Variants in RPAIN observed in about 807,000 individuals in gnomAD.
The protein encoded by RPAIN is RPA-interacting protein.
A neutral mutation model predicts 30.5 loss-of-function variants in RPAIN; 29 were observed. The ratio of observed to expected loss-of-function variants is 0.95; its 90% CI spans 0.71 to 1.30. The LOEUF (loss-of-function observed/expected upper bound fraction) is 1.30, where lower values mean the gene tolerates loss of function less well. Ranked by LOEUF, RPAIN falls within the 50% of genes most tolerant of loss-of-function variation. RPAIN has a pLI of 0.00. For synonymous variants in RPAIN, 101 were observed against 93.5 expected (o/e 1.08, Z -0.46); for missense variants, 247 against 264.7 (o/e 0.93, Z 0.46).
At position 5,426,486 on chromosome 17, in the gene RPAIN, G is replaced by GTA. The variant is rs1195867114; in HGVS notation, c.489+188_489+189dup. The GTA allele has an allele frequency of 5.0e-5, 31 of 624,326 alleles. No individual in the cohort carries two copies. In the African/African-American group the frequency reaches 5.5e-4, roughly 11 times the overall value. The allele number at this position is 624,326 out of a possible 1,614,324, so 38.7% of individuals were successfully genotyped here. A position where few individuals can be genotyped will look rare whatever the true frequency, so the allele number is the denominator to read the frequency against. ...TCTATGGCATGAAAATTGGCAAACAGTACACATCAGAGCCTTTAGGGCCCT... is the reference window on the plus strand; with the variant it reads ...TCTATGGCATGAAAATTGGCAAACAGTATACACATCAGAGCCTTTAGGGCCCT... On this transcript the variant is annotated intron_variant, in intron 5 of 6. Transcript: ENST00000381209.
At chr17:5,430,864 C>CGTAG (rs1362303672) in intron 6 of RPAIN, 5 of 155,506 alleles carry the variant, frequency 3.2e-5, no homozygotes, top group Non-Finnish European at 1.4e-5. Flanking sequence ...CTGGAGTCTA[C>CGTAG]AGCTCCTTGA....
At chr17:5,420,326 A>G (rs1205403766) in intron 1 of RPAIN, 35 bp downstream of exon 1, 6 of 1,578,592 alleles carry the variant, frequency 3.8e-6, no homozygotes, top group Non-Finnish European at 5.2e-6. Flanking sequence ...TCTACCCTAG[A>G]TCGTCCCGGT....
intron 1 of RPAIN, 120 bp from the exon 2 acceptor site, chr17:5,421,176 A>G: frequency 1.1e-6 from 1 of 906,562 alleles, no homozygotes. Flanking sequence ...ACTAGTTAGT[A>G]TTATCATTGA....
Position 5,432,541 on chromosome 17 carries a change from G to T in RPAIN, c.631-1G>T. 1 of 1,613,614 alleles carries T rather than the reference G, an allele frequency of 6.2e-7. No homozygotes were observed. The highest frequency in any genetic ancestry group is 8.5e-7 in the Non-Finnish European group (1 of 1,179,528). Reference sequence around the variant, plus strand: ...CTAATTATTTTCCTGTTTAAACCTAGGCCTGTGATACTTGGGCTGTGATCC... The same window carrying T: ...CTAATTATTTTCCTGTTTAAACCTATGCCTGTGATACTTGGGCTGTGATCC... On this transcript the variant is annotated splice_acceptor_variant, in intron 6 of 6. Coordinates refer to ENST00000381209, the MANE Select transcript of RPAIN (RefSeq NM_001033002.4). LOFTEE classifies it high-confidence loss of function.
At chr17:5,428,238 T>A in intron 6 of RPAIN, 27 bp downstream of exon 6, 1 of 1,614,090 alleles carries the variant, frequency 6.2e-7, no homozygotes, top group South Asian at 1.1e-5. Flanking sequence ...ACCCACTCTG[T>A]GGTAAGAGGG....
intron 6 of RPAIN, chr17:5,430,467 C>CA (rs1446734170): frequency 1.3e-5 from 2 of 153,130 alleles, no homozygotes; most frequent in Non-Finnish European, 2.9e-5. Flanking sequence ...AACTCCATCT[C>CA]AAAAAAAGCA....
At chr17:5,427,838 C>T (rs1915546479) in intron 5 of RPAIN, 4 of 541,370 alleles carry the variant, frequency 7.4e-6, no homozygotes, top group Non-Finnish European at 1.3e-5. Flanking sequence ...CCATGAGTGG[C>T]CATCAGTGTG....
chr17:5,426,604 G>T, intron 5 of RPAIN: 1 of 281,498 alleles, frequency 3.6e-6, no homozygotes, highest in Non-Finnish European at 6.8e-6. Context: ...TTCTATATAT[G>T]AAGACATACC....
chr17:5,421,571 TA>T (rs1914842502), intron 2 of RPAIN, 105 bp downstream of exon 2: 3 of 994,684 alleles, frequency 3.0e-6, no homozygotes, highest in African/African-American at 3.3e-5. Flanking sequence ...ACCATTCCCC[TA>T]ACCCCATTTA....
chr17:5,426,639 ATT>A (rs35657465), intron 5 of RPAIN: 1,809 of 148,650 alleles, frequency 0.012, 1 homozygote, highest in South Asian at 0.053. Flanking sequence ...AGCTTCAGTA[ATT>A]TTTTTTTTTT....
At position 5,426,119 on chromosome 17, in the gene RPAIN, C is replaced by G. The variant is rs371649983; in HGVS notation, c.425+37C>G. 72 of 1,568,628 alleles carry G rather than the reference C, an allele frequency of 4.6e-5. No individual in the cohort carries two copies. The Admixed American group carries it at 1.2e-3, about 26-fold the overall frequency. On this transcript the variant is annotated intron_variant, in intron 4 of 6. Transcript: ENST00000381209. ...TAAAACCTTTTCAGCATTATTCGTT[C>G]CCATTCCCCACTCCAAGGTGAGTGG...
At chr17:5,421,530 T>C in intron 2 of RPAIN, 64 bp downstream of exon 2, 1 of 1,474,726 alleles carries the variant, frequency 6.8e-7, no homozygotes, top group Non-Finnish European at 9.3e-7. Context: ...TCGTGTCCTC[T>C]TTTATTTGTT....
intron 3 of RPAIN, chr17:5,425,273 T>C: frequency 2.2e-6 from 1 of 455,412 alleles, no homozygotes; most frequent in Non-Finnish European, 4.4e-6. Context: ...ACACAGATTC[T>C]GAACAACACA....
chr17:5,425,948 C>T (rs1915340240), intron 3 of RPAIN, 23 bp from the exon 4 acceptor site: 1 of 1,541,124 alleles, frequency 6.5e-7, no homozygotes, highest in South Asian at 1.1e-5. Context: ...TGGTGAAGCC[C>T]TCCAACTGCC....
At chr17:5,423,561 G>A (rs1915079631) in intron 3 of RPAIN, among the ~76,000 whole-genome samples, 1 of 152,086 alleles carries the variant, frequency 6.6e-6, no homozygotes, top group African/African-American at 2.4e-5. Flanking sequence ...CATTTTACAG[G>A]ATACAGTGAT....
chr17:5,420,610 A>C (rs1346147436), intron 1 of RPAIN, among the ~76,000 whole-genome samples: 1 of 150,366 alleles, frequency 6.7e-6, no homozygotes, highest in East Asian at 2.0e-4. Flanking sequence ...GTCTTGTGAG[A>C]TAGAGATGAT....
At chr17:5,431,037 C>T (rs553087209) in intron 6 of RPAIN, 1 of 201,464 alleles carries the variant, frequency 5.0e-6, no homozygotes, top group Admixed American at 5.6e-5. Flanking sequence ...CGTCAGTGCC[C>T]TGTGGCTCAG....
intron 6 of RPAIN, chr17:5,430,934 T>C (rs1402638020): frequency 6.4e-6 from 1 of 157,358 alleles, no homozygotes; most frequent in East Asian, 1.9e-4. Flanking sequence ...AGAAGGGGAA[T>C]TAAAAGGTAA....
At position 5,426,087 on chromosome 17, in the gene RPAIN, G is replaced by T; in HGVS notation, c.425+5G>T. ...CATCTGTCCTGTATGTACAAAGTAA[G>T]AGTTTTTAAAACCTTTTCAGCATTA... On this transcript the variant is annotated splice_donor_5th_base_variant and intron_variant, in intron 4 of 6. Transcript: ENST00000381209. 6.2e-7 allele frequency: 1 copy of T among 1,606,238 alleles called. No homozygotes were observed. The highest frequency in any genetic ancestry group is 8.5e-7 in the Non-Finnish European group (1 of 1,173,080).
Sources: gnomAD v4.1 joint callset for allele counts (sites outside exome capture counted in the v4.1 genomes callset) on GRCh38, gnomAD v4.1.1 for gene constraint, MANE v1.5 for transcripts, NCBI Gene and HGNC (gene_info 2026-07-23, HGNC 2026-07-21) for gene names.